The following BCAM variants were observed in gnomAD, a reference collection of about 807,000 sequenced individuals.
BCAM encodes basal cell adhesion molecule (Lutheran blood group).
In BCAM, 61 loss-of-function variants were observed where a neutral mutation model predicts 72.4. That is an observed-to-expected ratio of 0.84 (90% CI 0.69 to 1.04). The LOEUF is 1.04. BCAM is among the 50% of genes least tolerant of loss of function. The pLI, the probability that BCAM is intolerant of heterozygous loss-of-function variation, is 0.00. For synonymous variants in BCAM, 408 were observed against 384.2 expected, an observed-to-expected ratio of 1.06 and a Z score of -0.73; for missense variants, 909 against 895.0, an observed-to-expected ratio of 1.02 and a Z score of -0.20.
At chr19:44,819,823 C>T (rs1188609002) in intron 13 of BCAM, 97 bp downstream of exon 13, 2 of 1,441,420 alleles carry the variant, frequency 1.4e-6, no homozygotes, top group South Asian at 1.5e-5. Flanking sequence ...ATCTTATCCT[C>T]CACCCCACAT....
chr19:44,811,669 G>A (rs1968421963), intron 2 of BCAM: 6 of 337,544 alleles, frequency 1.8e-5, no homozygotes, highest in South Asian at 1.4e-4. Flanking sequence ...GGTGGATCAC[G>A]AGGTCAAGAG....
intron 13 of BCAM, chr19:44,820,366 T>A: frequency 9.3e-7 from 1 of 1,075,000 alleles, no homozygotes. Flanking sequence ...ATCCAACCCC[T>A]AAGCCTCCCC....
At chr19:44,816,930 G>A (rs888582564) in intron 8 of BCAM, among the ~76,000 whole-genome samples, 10 of 145,626 alleles carry the variant, frequency 6.9e-5, no homozygotes, top group Admixed American at 6.2e-4. Flanking sequence ...CAGAGCAAGA[G>A]TCTGTCTCAA....
chr19:44,811,429 G>A (rs1968418493), intron 2 of BCAM, 83 bp downstream of exon 2: 2 of 1,586,360 alleles, frequency 1.3e-6, no homozygotes, highest in Non-Finnish European at 1.7e-6. Context: ...CCTAAGGCCT[G>A]TAGAGATCCA....
intron 2 of BCAM, chr19:44,811,836 G>A (rs1968424461): frequency 4.8e-6 from 2 of 417,908 alleles, no homozygotes; most frequent in Non-Finnish European, 8.6e-6. Context: ...AGTGAGCCGA[G>A]ATCGAGCCAA....
Position 44,814,667 on chromosome 19 carries a change from C to G in BCAM, c.985C>G (p.Arg329Gly), listed in dbSNP as rs776868641. 4 of 1,614,050 alleles carry G rather than the reference C, an allele frequency of 2.5e-6. No individual in the cohort carries two copies. The South Asian group carries it at 3.3e-5, about 13-fold the overall frequency. Residue 329 changes from arginine (R) to glycine (G), a missense_variant, in exon 8 of 15, where the codon CGG (arginine) becomes GGG (glycine). Transcript: ENST00000270233. This position sits in a 1 kb window ranked among gnomAD's most constrained non-coding sequence, Gnocchi z 4.6. Reference sequence around the variant, plus strand: ...GAACTTGACCCTGGAGGGAGTGACCCGGGGCCAGAGCGGGACCTATGGCTG... The same window carrying G: ...GAACTTGACCCTGGAGGGAGTGACCGGGGGCCAGAGCGGGACCTATGGCTG... ...EGNLTLEGVT[R>G]GQSGTYGCRV... is the part of the protein sequence containing the mutation.
rs1003340213 is a variant in BCAM, at chr19:44,812,038, C to T, written c.205-125C>T. ...GAGAAGGTGGGGAGGGACAGAGGGA[C>T]CAGGGAGACCCATAACAAGAGGAAA... On this transcript the variant is annotated intron_variant, in intron 2 of 14. Transcript: ENST00000270233. This position sits in a 1 kb window ranked among gnomAD's most constrained non-coding sequence, Gnocchi z 5.3. 6 of 906,110 alleles carry T rather than the reference C, an allele frequency of 6.6e-6. No individual in the cohort carries two copies. Among genetic ancestry groups the T allele is most frequent in the Non-Finnish European group, 8.4e-6 (5 of 596,368 alleles). 56.1% of individuals were successfully genotyped at this position (906,110 alleles called of 1,614,324 possible). A position where few individuals can be genotyped will look rare whatever the true frequency, so the allele number is the denominator to read the frequency against.
Position 44,819,448 on chromosome 19 carries a change from A to G in BCAM, c.1576A>G (p.Asn526Asp). 1.9e-6 allele frequency: 3 copies of G among 1,614,024 alleles called. No individual in the cohort carries two copies. Among genetic ancestry groups the G allele is most frequent in the Non-Finnish European group, 2.5e-6 (3 of 1,179,932 alleles). ...CGATGGCATCTCCTGTGAAGCCTCC[A>G]ACCCCCACGGGAACAAGCGCCATGT... ...SRDGISCEAS[N>D]PHGNKRHVFH... is the part of the protein sequence containing the mutation. Residue 526 changes from asparagine to aspartate, a missense_variant, in exon 12 of 15, where the codon AAC (asparagine) becomes GAC (aspartate). Transcript: ENST00000270233.
At position 44,809,160 on chromosome 19, in the gene BCAM, G is replaced by A. The variant is rs920206530; in HGVS notation, c.36G>A (p.Gly12=). 3 of 1,473,850 alleles carry A rather than the reference G, an allele frequency of 2.0e-6. No homozygotes were observed. The allele number at this position is 1,473,850 out of a possible 1,614,324, so 91.3% of individuals were successfully genotyped here. A position where few individuals can be genotyped will look rare whatever the true frequency, so the allele number is the denominator to read the frequency against. The change falls in exon 1 of 15, where the codon GGG becomes GGA. Residue 12 remains glycine, a synonymous_variant. Transcript: ENST00000270233. ...CGGACGCACCGGCCCAGGCGCGCGG[G>A]GCCCCGCGGCTGCTGTTGCTCGCAG... The part of the protein sequence containing the change: ...EPPDAPAQAR[G]APRLLLLAVL...
At chr19:44,820,868 G>A (rs760098260) in intron 14 of BCAM, 46 bp downstream of exon 14, 2 of 1,547,498 alleles carry the variant, frequency 1.3e-6, no homozygotes, top group Non-Finnish European at 1.7e-6. Flanking sequence ...CTGCTGGGCA[G>A]TGGAGCACGC....
At chr19:44,809,449 A>G (rs2122543927) in intron 1 of BCAM, among the ~76,000 whole-genome samples, 1 of 151,796 alleles carries the variant, frequency 6.6e-6, no homozygotes, top group Non-Finnish European at 1.5e-5. Flanking sequence ...CCCCCTTCCC[A>G]CTCAGCACCC....
Position 44,818,654 on chromosome 19 carries a change from C to A in BCAM, c.1194+17C>A, listed in dbSNP as rs748544427. On this transcript the variant is annotated intron_variant, in intron 9 of 14. Transcript: ENST00000270233. This position sits in a 1 kb window ranked among gnomAD's most constrained non-coding sequence, Gnocchi z 4.6. Reference sequence around the variant, plus strand: ...TGGACCAAGGTGAGAGGGAGAGGAGCCCCCTCGGGCCCTGCACTCGCACCC... The same window carrying A: ...TGGACCAAGGTGAGAGGGAGAGGAGACCCCTCGGGCCCTGCACTCGCACCC... 9.3e-6 allele frequency: 15 copies of A among 1,611,906 alleles called. No individual in the cohort carries two copies. The Admixed American group carries it at 1.5e-4, about 16-fold the overall frequency.
chr19:44,815,692 G>A (rs745952965), intron 8 of BCAM, among the ~76,000 whole-genome samples: 7 of 152,166 alleles, frequency 4.6e-5, no homozygotes, highest in Non-Finnish European at 1.0e-4. Context: ...GGCAAGGTGA[G>A]AAGTTGGACT....
Position 44,812,167 on chromosome 19 carries a change from ACC to A in BCAM, c.210_211del (p.Asp70GlufsTer12). The A allele has an allele frequency of 6.3e-7, 1 of 1,599,968 alleles. No individual in the cohort carries two copies. Among genetic ancestry groups the A allele is most frequent in the Non-Finnish European group, 8.5e-7 (1 of 1,176,864 alleles). On this transcript the variant is annotated frameshift_variant, in exon 3 of 15. Transcript: ENST00000270233. LOFTEE classifies it high-confidence loss of function. The surrounding 1 kb of genome is among the most constrained non-coding windows in gnomAD (Gnocchi z 5.3). ...GAGCCTGCCCCGCGCCCACAGACCG[ACC>A]GCTCGGGAGCTCGCCCCCGCCTAGC...
chr19:44,809,165 C>G lies in BCAM; in HGVS notation c.41C>G (p.Pro14Arg), dbSNP rs759119049. ...PDAPAQARGA[P>R]RLLLLAVLLA... ...GCACCGGCCCAGGCGCGCGGGGCCC[C>G]GCGGCTGCTGTTGCTCGCAGTCCTG... The change falls in exon 1 of 15, where the codon CCG (proline) becomes CGG (arginine). Residue 14 changes from proline (P) to arginine (R), a missense_variant. Pro to Arg is a moderately radical substitution (Grantham distance 103). Coordinates refer to ENST00000270233, the MANE Select transcript of BCAM (RefSeq NM_005581.5). 2 of 1,475,082 alleles carry G rather than the reference C, an allele frequency of 1.4e-6. No individual in the cohort carries two copies. The highest frequency in any genetic ancestry group is 1.3e-5 in the South Asian group (1 of 77,822). The allele number at this position is 1,475,082 out of a possible 1,614,324, so 91.4% of individuals were successfully genotyped here.
intron 8 of BCAM, among the ~76,000 whole-genome samples, chr19:44,817,618 C>T (rs889849867): frequency 1.3e-5 from 2 of 151,608 alleles, no homozygotes; most frequent in Non-Finnish European, 2.9e-5. Flanking sequence ...AATCTCGGCT[C>T]ACTGCAACCT....
At chr19:44,819,003 T>C (rs1968540584) in intron 10 of BCAM, 53 bp from the exon 11 acceptor site, 1 of 1,597,364 alleles carries the variant, frequency 6.3e-7, no homozygotes, top group Non-Finnish European at 8.6e-7. Context: ...GATGCCTCTC[T>C]TCTCTCTCTC....
chr19:44,813,284 C>G lies in BCAM; in HGVS notation c.539C>G (p.Ala180Gly), dbSNP rs1474290262. ...TGCAACAGCCGGAACGGGAACCCGG[C>G]CCCCAAGATCACGTGGTATCGCAAC... ...ATCNSRNGNP[A>G]PKITWYRNGQ... The change falls in exon 5 of 15, where the codon GCC becomes GGC. Residue 180 changes from alanine to glycine, a missense_variant. Ala to Gly is a moderately conservative substitution (Grantham distance 60). Coordinates refer to ENST00000270233, the MANE Select transcript of BCAM (RefSeq NM_005581.5). The surrounding 1 kb of genome is among the most constrained non-coding windows in gnomAD (Gnocchi z 4.2). The G allele has an allele frequency of 6.2e-7, 1 of 1,614,120 alleles. No homozygotes were observed. The highest frequency in any genetic ancestry group is 1.7e-5 in the Admixed American group (1 of 60,020).
In BCAM at chr19:44,813,032, A is replaced by C. The variant is rs1968447339; in HGVS notation, c.505-218A>C. Reference sequence around the variant, plus strand: ...GACTCCTGTGTCCTAGGAAGGAGAGAGCTGGGGGACCCAGAATCCTTGGTC... The same window carrying C: ...GACTCCTGTGTCCTAGGAAGGAGAGCGCTGGGGGACCCAGAATCCTTGGTC... On this transcript the variant is annotated intron_variant, in intron 4 of 14. Transcript: ENST00000270233. The surrounding 1 kb of genome is among the most constrained non-coding windows in gnomAD (Gnocchi z 4.2). 2 of 573,948 alleles carry C rather than the reference A, an allele frequency of 3.5e-6. No homozygotes were observed. The highest frequency in any genetic ancestry group is 6.1e-6 in the Non-Finnish European group (2 of 326,250). 35.6% of individuals were successfully genotyped at this position (573,948 alleles called of 1,614,324 possible). A position where few individuals can be genotyped will look rare whatever the true frequency, so the allele number is the denominator to read the frequency against.
Sources: allele counts gnomAD v4.1 joint callset (sites outside exome capture counted in the v4.1 genomes callset), GRCh38; gene constraint gnomAD v4.1.1; non-coding constraint Gnocchi (gnomAD v3.1); transcripts MANE v1.5; gene names NCBI Gene and HGNC (gene_info 2026-07-23, HGNC 2026-07-21).